HORMAD2: variants seen among roughly 807,000 people sequenced by gnomAD.
The protein encoded by HORMAD2 is HORMA domain containing 2, also known as HORMA domain-containing protein 2.
In HORMAD2, 45 loss-of-function variants were observed where a neutral mutation model predicts 38.8. That is an observed-to-expected ratio of 1.16 (90% CI 0.91 to 1.49). HORMAD2 has a LOEUF of 1.49. Ranked by LOEUF, HORMAD2 falls within the 40% of genes most tolerant of loss-of-function variation. The probability of loss-of-function intolerance (pLI) is 0.00; values close to 1 mark genes in which losing one functional copy is unlikely to be tolerated. For missense variants in HORMAD2, 338 were observed against 367.0 expected (o/e 0.92, Z 0.65); for synonymous variants, 126 against 122.8 (o/e 1.03, Z -0.17).
At chr22:30,196,357 T>C in the HORMAD2 span, among the ~76,000 whole-genome samples, 1 of 152,016 alleles carries the variant, frequency 6.6e-6, no homozygotes, top group South Asian at 2.1e-4. Flanking sequence ...ACTGGCTTCC[T>C]CCTCCCTGGA....
chr22:30,120,048 C>T (rs1922324583), intron 8 of HORMAD2, among the ~76,000 whole-genome samples: 1 of 152,236 alleles, frequency 6.6e-6, no homozygotes, highest in Non-Finnish European at 1.5e-5. Flanking sequence ...GTTACCTTTA[C>T]TCTCCAAAAC....
At chr22:30,088,037 G>GTATACATATGTACACATGTATACA (rs146994681) in intron 1 of HORMAD2, among the ~76,000 whole-genome samples, 2 of 139,982 alleles carry the variant, frequency 1.4e-5, no homozygotes, top group African/African-American at 5.2e-5. Flanking sequence ...CTGTATATGT[G>GTATACATATGTACACATGTATACA]TATACACACG....
Position 30,103,649 on chromosome 22 carries a change from A to ATTTTTTT in HORMAD2, c.257+174_257+180dup, listed in dbSNP as rs71198524. On this transcript the variant is annotated intron_variant, in intron 4 of 10. Coordinates refer to ENST00000336726, the MANE Select transcript of HORMAD2 (RefSeq NM_152510.4). ...CTTTCTTTTTCTTTTTCTGTTTTTGATTTTTTTTTTTTTTTTTTTTTTTTT... is the reference window on the plus strand; with the variant it reads ...CTTTCTTTTTCTTTTTCTGTTTTTGATTTTTTTTTTTTTTTTTTTTTTTTTTTTTTTT... 7.9e-3 allele frequency: 595 copies of ATTTTTTT among 75,332 alleles called. 145 individuals carry two copies. Among genetic ancestry groups the ATTTTTTT allele is most frequent in the African/African-American group, 0.045 (349 of 7,692 alleles). 4.7% of individuals were successfully genotyped at this position (75,332 alleles called of 1,614,324 possible). A position where few individuals can be genotyped will look rare whatever the true frequency, so the allele number is the denominator to read the frequency against.
At chr22:30,188,567 A>G in the HORMAD2 span, among the ~76,000 whole-genome samples, 2 of 152,358 alleles carry the variant, frequency 1.3e-5, no homozygotes, top group African/African-American at 2.4e-5. Flanking sequence ...AATTTCCACA[A>G]TAAGTATCTT....
the HORMAD2 span, among the ~76,000 whole-genome samples, chr22:30,205,832 C>T: frequency 6.6e-6 from 1 of 152,034 alleles, no homozygotes; most frequent in African/African-American, 2.4e-5. Flanking sequence ...TGAATGTGCA[C>T]GGGAGGCTCA....
chr22:30,159,351 A>G (rs917024337), intron 10 of HORMAD2, among the ~76,000 whole-genome samples: 2 of 152,236 alleles, frequency 1.3e-5, no homozygotes, highest in African/African-American at 4.8e-5. Flanking sequence ...GAAAATCTTT[A>G]TAGGTTGGAA....
chr22:30,140,795 T>C (rs1176898487), intron 10 of HORMAD2, among the ~76,000 whole-genome samples: 1 of 152,206 alleles, frequency 6.6e-6, no homozygotes, highest in Non-Finnish European at 1.5e-5. Context: ...CACTAATCTG[T>C]ATTATTTCCT....
At chr22:30,111,937 G>A in intron 6 of HORMAD2, 121 bp downstream of exon 6, 2 of 662,358 alleles carry the variant, frequency 3.0e-6, no homozygotes, top group African/African-American at 1.9e-5. Context: ...AATCTGTCTT[G>A]GAATTAAAAA....
chr22:30,088,172 T>C (rs1336851199), intron 1 of HORMAD2, among the ~76,000 whole-genome samples: 38 of 150,606 alleles, frequency 2.5e-4, no homozygotes, highest in Non-Finnish European at 8.9e-5. Flanking sequence ...TACCTATGTA[T>C]ACATATATAC....
At chr22:30,099,668 C>T (rs1184271514) in intron 3 of HORMAD2, among the ~76,000 whole-genome samples, 2 of 152,172 alleles carry the variant, frequency 1.3e-5, no homozygotes, top group African/African-American at 4.8e-5. Context: ...GAGTGGATCA[C>T]CTGAGTTCAG....
chr22:30,098,521 A>T (rs1920924880), intron 2 of HORMAD2, among the ~76,000 whole-genome samples: 1 of 152,200 alleles, frequency 6.6e-6, no homozygotes, highest in African/African-American at 2.4e-5. Flanking sequence ...TAGAAAGGAA[A>T]GGAGGAAAAT....
intron 5 of HORMAD2, among the ~76,000 whole-genome samples, chr22:30,110,554 T>C (rs535539805): frequency 5.3e-4 from 81 of 151,962 alleles, no homozygotes; most frequent in African/African-American, 1.8e-3. Flanking sequence ...CCTGGCTAAT[T>C]TTTTGTATTT....
the HORMAD2 span, among the ~76,000 whole-genome samples, chr22:30,191,809 C>T: frequency 1.3e-5 from 2 of 152,254 alleles, no homozygotes; most frequent in East Asian, 3.9e-4. Context: ...TGATTTGTCT[C>T]CTTTGCTGCC....
At chr22:30,077,929 A>C (rs1821764415), upstream of HORMAD2, among the ~76,000 whole-genome samples, 1 of 152,248 alleles carries the variant, frequency 6.6e-6, no homozygotes. Context: ...TCAGGTATCT[A>C]TTTGAATACC....
At chr22:30,181,556 A>G (rs1926719444), downstream of HORMAD2, among the ~76,000 whole-genome samples, 3 of 152,246 alleles carry the variant, frequency 2.0e-5, no homozygotes, top group Non-Finnish European at 4.4e-5. Flanking sequence ...AATTAGAAAA[A>G]TGAATCTCAC....
Position 30,119,024 on chromosome 22 carries a change from A to C in HORMAD2, c.387A>C (p.Glu129Asp). 6.3e-7 allele frequency: 1 copy of C among 1,589,160 alleles called. No homozygotes were observed. The highest frequency in any genetic ancestry group is 8.6e-7 in the Non-Finnish European group (1 of 1,166,258). The change falls in exon 8 of 11, where the codon GAA (glutamate) becomes GAC (aspartate). Residue 129 changes from glutamate to aspartate, a missense_variant. Transcript: ENST00000336726. ...MYQFKFKYTKEGATMDFDSHS... is the reference protein window; with the variant it reads ...MYQFKFKYTKDGATMDFDSHS... ...AGTTCAAATTCAAATACACGAAAGA[A>C]GGAGCCACTATGGATTTTGACAGGT...
At chr22:30,155,078 A>T (rs898892853) in intron 10 of HORMAD2, among the ~76,000 whole-genome samples, 118 of 123,014 alleles carry the variant, frequency 9.6e-4, no homozygotes, top group Non-Finnish European at 1.1e-3. Flanking sequence ...GCTTTTTTTA[A>T]AAAAAAAAAA....
chr22:30,121,835 A>G, intron 9 of HORMAD2, 46 bp downstream of exon 9: 1 of 1,566,240 alleles, frequency 6.4e-7, no homozygotes, highest in Non-Finnish European at 8.6e-7. Flanking sequence ...TGCTGAGCTA[A>G]TATTTTCTAT....
chr22:30,114,039 G>A (rs1289390418), intron 7 of HORMAD2, among the ~76,000 whole-genome samples: 1 of 152,172 alleles, frequency 6.6e-6, no homozygotes, highest in South Asian at 2.1e-4. Flanking sequence ...TCTTATGCAT[G>A]AAAACTTCCT....
Sources: gnomAD v4.1 joint callset for allele counts (sites outside exome capture counted in the v4.1 genomes callset) on GRCh38, gnomAD v4.1.1 for gene constraint, MANE v1.5 for transcripts, NCBI Gene and HGNC (gene_info 2026-07-23, HGNC 2026-07-21) for gene names.